The following CACNA1A variants were observed in gnomAD, a reference collection of about 807,000 sequenced individuals.
CACNA1A encodes calcium voltage-gated channel subunit alpha1 A.
In CACNA1A, 57 loss-of-function variants were observed where a neutral mutation model predicts 262.4. That is an observed-to-expected ratio of 0.22 (90% CI 0.18 to 0.27). CACNA1A has a LOEUF of 0.27. CACNA1A is among the 10% of genes least tolerant of loss of function. The pLI is 1.00. For synonymous variants in CACNA1A, 1,431 were observed against 1,419.3 expected, an observed-to-expected ratio of 1.01 and a Z score of -0.18; for missense variants, 2,526 against 3,562.8, an observed-to-expected ratio of 0.71 and a Z score of 7.41.
intron 6 of CACNA1A, among the ~76,000 whole-genome samples, chr19:13,345,908 T>C (rs1328109529): frequency 6.8e-6 from 1 of 147,446 alleles, no homozygotes; most frequent in Non-Finnish European, 1.5e-5. Context: ...TTTTTTTTTT[T>C]TTTTTTTTTT....
intron 3 of CACNA1A, among the ~76,000 whole-genome samples, chr19:13,397,608 G>A (rs1422102730): frequency 6.6e-6 from 1 of 151,696 alleles, no homozygotes; most frequent in East Asian, 1.9e-4. Flanking sequence ...CGCCATGTAC[G>A]CTCTGGTGAC....
At chr19:13,253,831 C>T (rs971466132) in intron 29 of CACNA1A, among the ~76,000 whole-genome samples, 3 of 152,110 alleles carry the variant, frequency 2.0e-5, no homozygotes, top group Non-Finnish European at 2.9e-5. Context: ...CTTCCGCCCC[C>T]TGGGTTCAAG....
intron 31 of CACNA1A, among the ~76,000 whole-genome samples, chr19:13,242,374 A>G (rs1363457286): frequency 1.3e-5 from 2 of 151,644 alleles, no homozygotes; most frequent in Admixed American, 1.3e-4. Flanking sequence ...GCTTACTACA[A>G]CCTCTCGCCT....
In CACNA1A at chr19:13,298,848, G is replaced by T; in HGVS notation, c.2785C>A (p.His929Asn). Residue 929 changes from histidine to asparagine, a missense_variant, in exon 19 of 47, where the codon CAC becomes AAC. His to Asn is a moderately conservative substitution (Grantham distance 68). Transcript: ENST00000360228. The stretch of plus-strand genomic sequence containing the variant: ...CCCTGCCGGTGCACGTGCCTCCGGT[G>T]GGGGTCCCCGGCCTTGCCTCGCTCG... The part of the protein sequence containing the change: ...EAERGKAGDP[H>N]RRHVHRQGGS... The T allele has an allele frequency of 6.3e-7, 1 of 1,584,824 alleles. No homozygotes were observed. Among genetic ancestry groups the T allele is most frequent in the Non-Finnish European group, 8.5e-7 (1 of 1,174,388 alleles).
Position 13,287,523 on chromosome 19 carries a change from CT to C in CACNA1A, c.3090-558del, listed in dbSNP as rs556674292. Among the ~76,000 whole-genome samples the C allele has an allele frequency of 1.2e-3, 179 of 152,068 alleles. No individual in the cohort carries two copies. In the Middle Eastern group the frequency reaches 0.014, roughly 12 times the overall value. On this transcript the variant is annotated intron_variant, in intron 19 of 46. Coordinates refer to ENST00000360228, the MANE Select transcript of CACNA1A (RefSeq NM_001127222.2). ...AACTCCCCATCATCTTATTTCTTTT[CT>C]TTCTTTCTTTCTTTTTTCTTGCTCT...
chr19:13,277,292 C>T (rs775101801), intron 22 of CACNA1A, 164 bp from the exon 23 acceptor site: 6 of 560,124 alleles, frequency 1.1e-5, no homozygotes, highest in East Asian at 5.9e-5. Flanking sequence ...GGGCCCCTCC[C>T]ATCTCTTTTC....
chr19:13,484,343 T>C (rs974283982), intron 1 of CACNA1A, among the ~76,000 whole-genome samples: 4 of 152,158 alleles, frequency 2.6e-5, no homozygotes, highest in Non-Finnish European at 5.9e-5. Flanking sequence ...AGTGACTCTC[T>C]TGGCCAGAAT....
At chr19:13,397,266 T>C (rs2059825967) in intron 3 of CACNA1A, among the ~76,000 whole-genome samples, 1 of 152,120 alleles carries the variant, frequency 6.6e-6, no homozygotes, top group Admixed American at 6.6e-5. Flanking sequence ...TCTACTGCTT[T>C]TTTTCAAATA....
chr19:13,324,068 A>G (rs2058306872), intron 10 of CACNA1A, among the ~76,000 whole-genome samples: 1 of 152,256 alleles, frequency 6.6e-6, no homozygotes, highest in African/African-American at 2.4e-5. Flanking sequence ...TAAAAGAAAG[A>G]AATTCTGTAA....
At chr19:13,398,513 G>A (rs1178167311) in intron 3 of CACNA1A, among the ~76,000 whole-genome samples, 1 of 152,158 alleles carries the variant, frequency 6.6e-6, no homozygotes, top group African/African-American at 2.4e-5. Context: ...CTGAGCAGGT[G>A]GAAGGGTTCA....
chr19:13,364,721 C>G (rs1568574100), intron 5 of CACNA1A: 1 of 152,238 alleles, frequency 6.6e-6, no homozygotes, highest in Non-Finnish European at 1.5e-5. Context: ...CTCACTGCAA[C>G]TTCTGCCTCC....
intron 3 of CACNA1A, among the ~76,000 whole-genome samples, chr19:13,393,485 G>GT (rs149553421): frequency 0.013 from 1,925 of 149,436 alleles, 49 homozygotes; most frequent in African/African-American, 0.045. Context: ...CGTTGGTGCT[G>GT]TTTTTTTTTC....
At chr19:13,222,819 G>A (rs748125104) in intron 38 of CACNA1A, among the ~76,000 whole-genome samples, 7 of 148,460 alleles carry the variant, frequency 4.7e-5, no homozygotes, top group African/African-American at 1.0e-4. Context: ...CTCAGCCTCC[G>A]GAGTAGCTGG....
At chr19:13,435,366 A>G (rs1043917733) in intron 3 of CACNA1A, among the ~76,000 whole-genome samples, 1 of 151,592 alleles carries the variant, frequency 6.6e-6, no homozygotes, top group Non-Finnish European at 1.5e-5. Flanking sequence ...TCAGCCTCCC[A>G]AAGTGCTGGG....
chr19:13,391,847 G>A (rs111581258), intron 3 of CACNA1A, among the ~76,000 whole-genome samples: 17 of 151,744 alleles, frequency 1.1e-4, no homozygotes, highest in African/African-American at 3.9e-4. Flanking sequence ...GACCAGCCTG[G>A]GCAACATGGT....
intron 28 of CACNA1A, among the ~76,000 whole-genome samples, chr19:13,255,741 CTCCCTCCCTCCT>C (rs1255942176): frequency 1.7e-3 from 145 of 87,360 alleles, no homozygotes; most frequent in East Asian, 7.4e-3. Context: ...CCCTCCTTCC[CTCCCTCCCTCCT>C]TCCCTCCCTC....
chr19:13,348,906 G>T (rs2058845902), intron 6 of CACNA1A, among the ~76,000 whole-genome samples: 5 of 151,434 alleles, frequency 3.3e-5, no homozygotes, highest in Admixed American at 2.6e-4. Context: ...TACTTGGGAG[G>T]TTGAGGCACA....
At chr19:13,302,789 G>A (rs1042901968) in intron 17 of CACNA1A, among the ~76,000 whole-genome samples, 3 of 152,202 alleles carry the variant, frequency 2.0e-5, no homozygotes, top group Non-Finnish European at 4.4e-5. Flanking sequence ...CTGGGAGCTG[G>A]GGCCGGGAAA....
At chr19:13,460,273 A>C (rs565230541) in intron 1 of CACNA1A, among the ~76,000 whole-genome samples, 6 of 152,246 alleles carry the variant, frequency 3.9e-5, no homozygotes, top group Admixed American at 3.9e-4. Context: ...AGGAAGTGCT[A>C]AGTGCCTCTA....
Sources: allele counts gnomAD v4.1 joint callset (sites outside exome capture counted in the v4.1 genomes callset), GRCh38; gene constraint gnomAD v4.1.1; transcripts MANE v1.5; gene names NCBI Gene and HGNC (gene_info 2026-07-23, HGNC 2026-07-21).